PTPRN2: variants seen among roughly 807,000 people sequenced by gnomAD.
PTPRN2 encodes protein tyrosine phosphatase receptor type N2.
In PTPRN2, 74 loss-of-function variants were observed where a neutral mutation model predicts 118.8. The observed-to-expected ratio is 0.62, with a 90% confidence interval of 0.52 to 0.76. The LOEUF is 0.76. Ranked by LOEUF, PTPRN2 falls within the 30% of genes least tolerant of loss-of-function variation. PTPRN2 has a pLI of 0.00. For missense variants in PTPRN2, 1,481 were observed against 1,394.4 expected (o/e 1.06, Z -0.99); for synonymous variants, 641 against 608.0 (o/e 1.05, Z -0.80).
At chr7:158,137,882 G>A (rs1236456685) in intron 7 of PTPRN2, among the ~76,000 whole-genome samples, 3 of 152,152 alleles carry the variant, frequency 2.0e-5, no homozygotes, top group African/African-American at 7.2e-5. Flanking sequence ...GTGCTGAGGG[G>A]CTGCCTTCTG....
intron 12 of PTPRN2, among the ~76,000 whole-genome samples, chr7:157,752,050 T>G (rs1208999570): frequency 6.6e-6 from 1 of 152,110 alleles, no homozygotes; most frequent in African/African-American, 2.4e-5. Context: ...AGCTCTGGTC[T>G]TCAGGCTGCA....
At chr7:157,697,343 T>C (rs1374769874) in intron 12 of PTPRN2, among the ~76,000 whole-genome samples, 13 of 137,374 alleles carry the variant, frequency 9.5e-5, no homozygotes, top group Middle Eastern at 4.3e-3. Flanking sequence ...TACTGGATCT[T>C]AGTAGAGCCC....
chr7:158,345,876 G>T (rs1006769915), intron 2 of PTPRN2, among the ~76,000 whole-genome samples: 1 of 152,138 alleles, frequency 6.6e-6, no homozygotes, highest in Non-Finnish European at 1.5e-5. Context: ...GAAGGAGTGG[G>T]GGTGGGGGGA....
At chr7:157,822,014 A>C (rs914376690) in intron 12 of PTPRN2, among the ~76,000 whole-genome samples, 1 of 150,830 alleles carries the variant, frequency 6.6e-6, no homozygotes, top group Non-Finnish European at 1.5e-5. Flanking sequence ...TCATCTATCC[A>C]TCCCTCCCTC....
chr7:158,347,151 G>T (rs767629403), intron 2 of PTPRN2, among the ~76,000 whole-genome samples: 30 of 152,182 alleles, frequency 2.0e-4, no homozygotes, highest in Admixed American at 5.2e-4. Flanking sequence ...GTGCTTTGGG[G>T]ATCAAATAAA....
intron 2 of PTPRN2, among the ~76,000 whole-genome samples, chr7:158,352,243 T>A (rs1301918010): frequency 3.8e-4 from 12 of 32,000 alleles, no homozygotes; most frequent in Non-Finnish European, 6.4e-4. Flanking sequence ...TCCCCTCCTG[T>A]CCGCTCCCCT....
chr7:158,534,016 C>T (rs564345248), intron 1 of PTPRN2, among the ~76,000 whole-genome samples: 27 of 151,680 alleles, frequency 1.8e-4, no homozygotes, highest in South Asian at 1.3e-3. Flanking sequence ...ACCCACCCCC[C>T]GGGCTCCATC....
In PTPRN2 at chr7:158,557,399, G is replaced by A. The variant is rs189332114; in HGVS notation, c.112+30159C>T. On this transcript the variant is annotated intron_variant, in intron 1 of 22. Transcript: ENST00000389418. ...CCCACGCAGTTTAGGCAGCTCCCGCGCAGGTCAGGCAGCTCCCGTGCAGGT... is the reference window on the plus strand; with the variant it reads ...CCCACGCAGTTTAGGCAGCTCCCGCACAGGTCAGGCAGCTCCCGTGCAGGT... 1.8e-3 allele frequency among the ~76,000 whole-genome samples: 268 copies of A among 152,276 alleles called. 2 individuals are homozygous for A. Among genetic ancestry groups the A allele is most frequent in the African/African-American group, 5.0e-3 (207 of 41,548 alleles).
intron 12 of PTPRN2, among the ~76,000 whole-genome samples, chr7:157,733,086 G>A (rs1349205202): frequency 1.1e-4 from 3 of 28,536 alleles, no homozygotes; most frequent in African/African-American, 3.8e-4. Context: ...TTACTCTTCC[G>A]TCCCATGCGC....
chr7:157,700,983 GTC>G (rs1428119639), intron 12 of PTPRN2, among the ~76,000 whole-genome samples: 2 of 152,202 alleles, frequency 1.3e-5, no homozygotes, highest in Non-Finnish European at 2.9e-5. Flanking sequence ...CACATGCACT[GTC>G]TCTCACACAC....
intron 12 of PTPRN2, among the ~76,000 whole-genome samples, chr7:157,839,538 T>C (rs1410934747): frequency 6.6e-6 from 1 of 151,920 alleles, no homozygotes; most frequent in Non-Finnish European, 1.5e-5. Context: ...TTTGTATTAC[T>C]CTGTGTGTCT....
intron 3 of PTPRN2, among the ~76,000 whole-genome samples, chr7:158,206,013 A>G (rs993644650): frequency 1.3e-5 from 2 of 152,166 alleles, no homozygotes; most frequent in Admixed American, 6.5e-5. Context: ...TGGAAGGACT[A>G]CAATTCCTGG....
chr7:158,144,475 T>G (rs555738405), intron 6 of PTPRN2, among the ~76,000 whole-genome samples: 1 of 152,278 alleles, frequency 6.6e-6, no homozygotes, highest in South Asian at 2.1e-4. Flanking sequence ...CCATCTCTAC[T>G]AAAAATACCA....
At chr7:158,198,199 G>A (rs753310532) in intron 4 of PTPRN2, among the ~76,000 whole-genome samples, 17 of 152,110 alleles carry the variant, frequency 1.1e-4, no homozygotes, top group African/African-American at 2.7e-4. Context: ...TCTTTGCTTC[G>A]CCTCTGTCCA....
At chr7:157,651,461 A>C (rs1314062483) in intron 14 of PTPRN2, among the ~76,000 whole-genome samples, 1 of 152,188 alleles carries the variant, frequency 6.6e-6, no homozygotes, top group Non-Finnish European at 1.5e-5. Flanking sequence ...TCGAATGGAG[A>C]AGTATGAAGC....
intron 12 of PTPRN2, among the ~76,000 whole-genome samples, chr7:157,747,837 GGC>G (rs1253247254): frequency 1.6e-5 from 2 of 128,548 alleles, no homozygotes. Flanking sequence ...CTGAGCTTTG[GGC>G]TGTCCGGGTG....
At chr7:158,111,770 G>C (rs1425634449) in intron 9 of PTPRN2, among the ~76,000 whole-genome samples, 1 of 151,790 alleles carries the variant, frequency 6.6e-6, no homozygotes, top group African/African-American at 2.4e-5. Flanking sequence ...AGAGATGCTG[G>C]TGAATAGAAA....
intron 9 of PTPRN2, among the ~76,000 whole-genome samples, chr7:158,118,583 CA>C (rs1816911224): frequency 6.6e-6 from 1 of 152,150 alleles, no homozygotes; most frequent in Admixed American, 6.5e-5. Context: ...TTAAACTCTC[CA>C]ATCAAAAGAC....
intron 2 of PTPRN2, among the ~76,000 whole-genome samples, chr7:158,326,085 C>T (rs909639355): frequency 6.6e-6 from 1 of 152,184 alleles, no homozygotes; most frequent in Non-Finnish European, 1.5e-5. Flanking sequence ...CATCCAGGGC[C>T]CCACAGGCCA....
Sources: allele counts gnomAD v4.1 joint callset (sites outside exome capture counted in the v4.1 genomes callset), GRCh38; gene constraint gnomAD v4.1.1; transcripts MANE v1.5; gene names NCBI Gene and HGNC (gene_info 2026-07-23, HGNC 2026-07-21).